Variants in SRRM3 observed in about 807,000 individuals in gnomAD.
The protein encoded by SRRM3 is serine/arginine repetitive matrix 3, also known as serine/arginine repetitive matrix protein 3.
Under a neutral mutation model 66.2 loss-of-function variants are expected in SRRM3, and 27 were observed. The observed-to-expected ratio is 0.41, with a 90% CI of 0.30 to 0.56. The LOEUF is 0.56. Among genes scored for constraint, SRRM3 ranks in the 20% least tolerant of loss-of-function variants. SRRM3 has a pLI of 0.32. For synonymous variants in SRRM3, 391 were observed against 414.9 expected (o/e 0.94, Z 0.70); for missense variants, 918 against 991.9 (o/e 0.93, Z 1.00).
chr7:76,258,200 AG>A (rs782111906), intron 3 of SRRM3, among the ~76,000 whole-genome samples: 10 of 152,184 alleles, frequency 6.6e-5, no homozygotes, highest in South Asian at 2.1e-4. Flanking sequence ...AGAGATGAGC[AG>A]GGGGGGCCCC....
chr7:76,243,463 G>A (rs1423686089), intron 2 of SRRM3, among the ~76,000 whole-genome samples: 1 of 152,160 alleles, frequency 6.6e-6, no homozygotes, highest in African/African-American at 2.4e-5. Context: ...CCTCTGAGTT[G>A]GTTCAATCCA....
intron 11 of SRRM3, chr7:76,267,698 G>T (rs1179139617): frequency 1.6e-5 from 6 of 368,744 alleles, no homozygotes; most frequent in Non-Finnish European, 2.9e-5. Flanking sequence ...GCAAACTGAA[G>T]GCCAGAGGGG....
At chr7:76,281,273 T>G (rs782711518) in intron 11 of SRRM3, among the ~76,000 whole-genome samples, 168 bp from the exon 12 acceptor site, 1 of 151,142 alleles carries the variant, frequency 6.6e-6, no homozygotes, top group Non-Finnish European at 1.5e-5. Flanking sequence ...TCTCTCTCTC[T>G]CTCCTCTCTT....
intron 11 of SRRM3, among the ~76,000 whole-genome samples, chr7:76,276,817 C>A (rs1361939857): frequency 1.3e-5 from 2 of 152,142 alleles, no homozygotes; most frequent in Non-Finnish European, 2.9e-5. Flanking sequence ...CCATCCTCTG[C>A]CATCTTGGTA....
At position 76,281,754 on chromosome 7, in the gene SRRM3, C is replaced by A. The variant is rs1374497803; in HGVS notation, c.1322C>A (p.Pro441His). 8.8e-6 allele frequency: 12 copies of A among 1,371,166 alleles called. No homozygotes were observed. The highest frequency in any genetic ancestry group is 1.1e-5 in the Non-Finnish European group (12 of 1,061,102). 84.9% of individuals were successfully genotyped at this position (1,371,166 alleles called of 1,614,324 possible). A position where few individuals can be genotyped will look rare whatever the true frequency, so the allele number is the denominator to read the frequency against. Residue 441 changes from proline (P) to histidine (H), a missense_variant, in exon 12 of 15, where the codon CCC becomes CAC. By Grantham distance (77) the Pro-to-His change is moderately conservative. Transcript: ENST00000611745. ...DSGSGRGAPGPGPEPGSERGH... is the reference protein window; with the variant it reads ...DSGSGRGAPGHGPEPGSERGH... ...GGCAGCGGCCGCGGCGCCCCCGGCC[C>A]CGGGCCCGAGCCCGGCTCTGAGCGA...
chr7:76,265,299 T>TG (rs2117070116), intron 9 of SRRM3, 65 bp from the exon 10 acceptor site: 2 of 1,264,444 alleles, frequency 1.6e-6, no homozygotes, highest in South Asian at 1.5e-5. Context: ...CTGGGCAACT[T>TG]GGGGGCTGGG....
intron 11 of SRRM3, chr7:76,267,654 G>C (rs1802107852): frequency 2.4e-6 from 1 of 414,692 alleles, no homozygotes; most frequent in African/African-American, 2.1e-5. Flanking sequence ...TCAGGGTGAG[G>C]GGCGCCTGCG....
chr7:76,270,621 G>A (rs782201742), intron 11 of SRRM3, among the ~76,000 whole-genome samples: 1 of 151,998 alleles, frequency 6.6e-6, no homozygotes, highest in African/African-American at 2.4e-5. Context: ...AGACCAGCCT[G>A]GCTAACATGG....
chr7:76,213,917 A>G (rs1800495739), intron 1 of SRRM3, among the ~76,000 whole-genome samples: 1 of 151,858 alleles, frequency 6.6e-6, no homozygotes, highest in South Asian at 2.1e-4. Context: ...CTACAGGTGC[A>G]TGTCACCATG....
Position 76,221,157 on chromosome 7 carries a change from A to G in SRRM3, c.-39-13871A>G, listed in dbSNP as rs182788886. 2.7e-3 allele frequency among the ~76,000 whole-genome samples: 409 copies of G among 151,262 alleles called. 6 individuals carry two copies. Among genetic ancestry groups the G allele is most frequent in the Admixed American group, 0.025 (378 of 15,166 alleles). On this transcript the variant is annotated intron_variant, in intron 1 of 14. Transcript: ENST00000611745. ...ACCGCAACCTCCGCCTCCTGGGTAC[A>G]AGCGATTCTCCTGCCTCAGCCTCCC...
At chr7:76,203,219 A>G (rs1216758947) in intron 1 of SRRM3, among the ~76,000 whole-genome samples, 1 of 151,624 alleles carries the variant, frequency 6.6e-6, no homozygotes, top group African/African-American at 2.4e-5. Flanking sequence ...GCCCCATCCC[A>G]CTCTCCTGTG....
At chr7:76,234,392 G>C (rs1554604551) in intron 1 of SRRM3, among the ~76,000 whole-genome samples, 1 of 152,106 alleles carries the variant, frequency 6.6e-6, no homozygotes, top group Admixed American at 6.6e-5. Context: ...ACAAAGGAGG[G>C]GATAGTCTTG....
chr7:76,262,508 CTG>C (rs1801901846), intron 8 of SRRM3, among the ~76,000 whole-genome samples: 1 of 112,888 alleles, frequency 8.9e-6, no homozygotes, highest in Admixed American at 1.0e-4. Context: ...CAGCGAGACT[CTG>C]TCTCAGAAAA....
chr7:76,265,289 C>A (rs1801980189), intron 9 of SRRM3, 75 bp from the exon 10 acceptor site: 1 of 1,116,698 alleles, frequency 9.0e-7, no homozygotes, highest in Non-Finnish European at 1.3e-6. Context: ...TGGTGGGAGG[C>A]TGGGCAACTT....
intron 1 of SRRM3, among the ~76,000 whole-genome samples, chr7:76,218,912 C>T (rs782734953): frequency 5.9e-5 from 9 of 151,594 alleles, no homozygotes; most frequent in African/African-American, 9.7e-5. Context: ...TGGGGTGCAG[C>T]GGCGTGATCT....
At chr7:76,247,754 G>A (rs2117025722) in intron 2 of SRRM3, among the ~76,000 whole-genome samples, 1 of 152,272 alleles carries the variant, frequency 6.6e-6, no homozygotes, top group South Asian at 2.1e-4. Context: ...GTGTGCAGTG[G>A]CGTGATCTTG....
At chr7:76,233,991 AGT>A (rs1412335727) in intron 1 of SRRM3, among the ~76,000 whole-genome samples, 12 of 151,882 alleles carry the variant, frequency 7.9e-5, no homozygotes, top group Admixed American at 7.9e-4. Flanking sequence ...TTGGGGGAGA[AGT>A]GTCACAGGGA....
intron 2 of SRRM3, among the ~76,000 whole-genome samples, chr7:76,246,878 TC>T (rs1212536342): frequency 1.3e-5 from 2 of 152,232 alleles, no homozygotes; most frequent in African/African-American, 4.8e-5. Flanking sequence ...TCCTGGCACC[TC>T]CCATTTCCCA....
At chr7:76,270,157 G>A (rs1229440281) in intron 11 of SRRM3, among the ~76,000 whole-genome samples, 3 of 152,306 alleles carry the variant, frequency 2.0e-5, no homozygotes, top group Admixed American at 6.5e-5. Context: ...GACCCAGGGA[G>A]GGGAAGAGAC....
Sources: allele counts gnomAD v4.1 joint callset (sites outside exome capture counted in the v4.1 genomes callset), GRCh38; gene constraint gnomAD v4.1.1; transcripts MANE v1.5; gene names NCBI Gene and HGNC (gene_info 2026-07-23, HGNC 2026-07-21).